Variants in JPH1 observed in about 807,000 individuals in gnomAD.
JPH1 encodes junctophilin-1.
Under a neutral mutation model 53.6 loss-of-function variants are expected in JPH1, and 12 were observed. The observed-to-expected ratio is 0.22, with a 90% CI of 0.14 to 0.36. The LOEUF (loss-of-function observed/expected upper bound fraction) is 0.36. Ranked by LOEUF, JPH1 falls within the 10% of genes least tolerant of loss-of-function variation. JPH1 has a pLI of 1.00. For missense variants in JPH1, 808 were observed against 905.5 expected, an observed-to-expected ratio of 0.89 and a Z score of 1.38; for synonymous variants, 375 against 363.8, an observed-to-expected ratio of 1.03 and a Z score of -0.35.
chr8:74,238,210 C>G (rs1435626076), intron 4 of JPH1, among the ~76,000 whole-genome samples: 8 of 152,294 alleles, frequency 5.3e-5, no homozygotes, highest in Middle Eastern at 3.4e-3. Context: ...GAAGAGGAAA[C>G]AGTGGTACTC....
intron 3 of JPH1, among the ~76,000 whole-genome samples, chr8:74,245,833 T>C (rs965933319): frequency 5.4e-5 from 8 of 147,640 alleles, no homozygotes; most frequent in Non-Finnish European, 1.0e-4. Flanking sequence ...GGATTGTTTA[T>C]AAAAATCTTG....
At chr8:74,282,006 C>T (rs1330375793) in intron 2 of JPH1, among the ~76,000 whole-genome samples, 1 of 152,194 alleles carries the variant, frequency 6.6e-6, no homozygotes, top group East Asian at 1.9e-4. Flanking sequence ...CCAAATGTTC[C>T]ATAGTTCCCT....
At chr8:74,298,682 A>G (rs1807588452) in intron 2 of JPH1, among the ~76,000 whole-genome samples, 1 of 152,220 alleles carries the variant, frequency 6.6e-6, no homozygotes, top group African/African-American at 2.4e-5. Context: ...ACTTTTCAAA[A>G]GAGGATGAAG....
chr8:74,296,917 C>T (rs1807537631), intron 2 of JPH1, among the ~76,000 whole-genome samples: 1 of 152,098 alleles, frequency 6.6e-6, no homozygotes, highest in South Asian at 2.1e-4. Context: ...TCGAAGTCCA[C>T]GTATAGACAG....
intron 2 of JPH1, among the ~76,000 whole-genome samples, chr8:74,298,852 G>A (rs1807592847): frequency 6.6e-6 from 1 of 152,202 alleles, no homozygotes; most frequent in East Asian, 1.9e-4. Context: ...GTGGTAGAAT[G>A]AAGGCACGAG....
At chr8:74,260,892 G>A (rs568921006) in intron 2 of JPH1, among the ~76,000 whole-genome samples, 8 of 152,304 alleles carry the variant, frequency 5.3e-5, no homozygotes, top group Non-Finnish European at 1.0e-4. Context: ...GTGAAGATTG[G>A]AATTTTTAAT....
intron 2 of JPH1, among the ~76,000 whole-genome samples, chr8:74,275,001 G>C (rs940469070): frequency 1.3e-5 from 2 of 152,066 alleles, no homozygotes. Context: ...GCCTGCCTGG[G>C]CTATGAGAAT....
At chr8:74,255,332 G>T (rs903396023) in intron 3 of JPH1, among the ~76,000 whole-genome samples, 9 of 152,020 alleles carry the variant, frequency 5.9e-5, no homozygotes, top group Non-Finnish European at 8.8e-5. Context: ...TGGGAAAACT[G>T]GCTAGCCATA....
At chr8:74,256,185 A>T (rs1448840318) in intron 3 of JPH1, among the ~76,000 whole-genome samples, 2 of 152,218 alleles carry the variant, frequency 1.3e-5, no homozygotes, top group South Asian at 4.1e-4. Flanking sequence ...AATGTGGCAC[A>T]TATACACCGT....
Position 74,244,748 on chromosome 8 carries a change from G to A in JPH1, c.1686C>T (p.His562=), listed in dbSNP as rs1194505988. The A allele has an allele frequency of 5.0e-6, 8 of 1,614,182 alleles. 1 individual carries two copies. In the South Asian group the frequency reaches 8.8e-5, roughly 18 times the overall value. ...GYYVKLNAPQ[H]PPVDVEDGDG... Reference sequence around the variant, plus strand: ...CGCCGTCCTCCACGTCTACTGGAGGGTGCTGGGGGGCGTTCAGCTTCACGT... The same window carrying A: ...CGCCGTCCTCCACGTCTACTGGAGGATGCTGGGGGGCGTTCAGCTTCACGT... Residue 562 remains histidine, a synonymous_variant, in exon 4 of 6, where the codon CAC becomes CAT. Coordinates refer to ENST00000342232, the MANE Select transcript of JPH1 (RefSeq NM_020647.4).
chr8:74,259,983 G>A (rs775278579), intron 2 of JPH1, among the ~76,000 whole-genome samples: 17 of 152,202 alleles, frequency 1.1e-4, no homozygotes, highest in Non-Finnish European at 2.1e-4. Flanking sequence ...TAGTGAAATG[G>A]GGATTGGTAG....
At position 74,234,773 on chromosome 8, in the gene JPH1, A is replaced by C. The variant is rs932886498; in HGVS notation, c.*2278T>G. 6.6e-6 allele frequency: 1 copy of C among 152,640 alleles called. No homozygotes were observed. Among genetic ancestry groups the C allele is most frequent in the Non-Finnish European group, 1.5e-5 (1 of 68,038 alleles). 9.5% of individuals were successfully genotyped at this position (152,640 alleles called of 1,614,324 possible). ...ACTGTACATTATACATTTTGGTTTC[A>C]AGAATTATAAATAAAGGAACTCACA... is the stretch of plus-strand genomic sequence containing the variant. On this transcript the variant is annotated 3_prime_UTR_variant, in exon 6 of 6. Transcript: ENST00000342232.
intron 2 of JPH1, among the ~76,000 whole-genome samples, chr8:74,270,464 T>C (rs967484637): frequency 1.3e-5 from 2 of 152,192 alleles, no homozygotes; most frequent in East Asian, 1.9e-4. Context: ...GATAAAATGA[T>C]AGCTTATCTG....
intron 2 of JPH1, among the ~76,000 whole-genome samples, chr8:74,288,358 T>C (rs184036701): frequency 6.6e-6 from 1 of 152,316 alleles, no homozygotes; most frequent in African/African-American, 2.4e-5. Flanking sequence ...GGGCTGCCTC[T>C]GAAAACCCAT....
chr8:74,258,893 A>T (rs987606855), intron 3 of JPH1, among the ~76,000 whole-genome samples: 2 of 152,186 alleles, frequency 1.3e-5, no homozygotes, highest in African/African-American at 4.8e-5. Flanking sequence ...CTCGGGTGAT[A>T]TTTGTTACTA....
chr8:74,256,380 C>T (rs1165194206), intron 3 of JPH1, among the ~76,000 whole-genome samples: 9 of 136,672 alleles, frequency 6.6e-5, no homozygotes, highest in East Asian at 2.3e-4. Context: ...CATCACACAC[C>T]GGGGCCTATC....
chr8:74,299,395 T>C (rs73689717), intron 2 of JPH1, among the ~76,000 whole-genome samples: 2 of 152,292 alleles, frequency 1.3e-5, no homozygotes, highest in Admixed American at 1.3e-4. Context: ...ATAACCTAAA[T>C]GGAGTTGTAT....
At position 74,315,045 on chromosome 8, in the gene JPH1, T is replaced by C; in HGVS notation, c.955A>G (p.Thr319Ala). Residue 319 changes from threonine to alanine, a missense_variant, in exon 2 of 6, where the codon ACC becomes GCC. Around this residue, in one of 2 missense-constraint regions of JPH1, gnomAD observed 756 missense variants for 811.9 expected, o/e 0.93. Transcript: ENST00000342232. This position sits in a 1 kb window ranked among gnomAD's most constrained non-coding sequence, Gnocchi z 6.3. ...TCTTTGGAGCCGTCAGGAAACACGGTACAGCCATATCCATGCCTCTTGTTA... is the reference window on the plus strand; with the variant it reads ...TCTTTGGAGCCGTCAGGAAACACGGCACAGCCATATCCATGCCTCTTGTTA... ...ANNKRHGYGCTVFPDGSKEEG... is the reference protein window; with the variant it reads ...ANNKRHGYGCAVFPDGSKEEG... 2 of 1,614,218 alleles carry C rather than the reference T, an allele frequency of 1.2e-6. No individual in the cohort carries two copies. Among genetic ancestry groups the C allele is most frequent in the Non-Finnish European group, 1.7e-6 (2 of 1,180,034 alleles).
In JPH1 at chr8:74,234,741, T is replaced by C. The variant is rs1806949781; in HGVS notation, c.*2310A>G. 1 of 152,628 alleles carries C rather than the reference T, an allele frequency of 6.6e-6. No individual in the cohort carries two copies. The highest frequency in any genetic ancestry group is 2.1e-4 in the South Asian group (1 of 4,828). 9.5% of individuals were successfully genotyped at this position (152,628 alleles called of 1,614,324 possible). On this transcript the variant is annotated 3_prime_UTR_variant, in exon 6 of 6. Coordinates refer to ENST00000342232, the MANE Select transcript of JPH1 (RefSeq NM_020647.4). Reference sequence around the variant, plus strand: ...TTTTTTTTATTAGAGCAGATACAGTTGTGAAAACTGTACATTATACATTTT... The same window carrying C: ...TTTTTTTTATTAGAGCAGATACAGTCGTGAAAACTGTACATTATACATTTT...
Sources: gnomAD v4.1 joint callset for allele counts (sites outside exome capture counted in the v4.1 genomes callset) on GRCh38, gnomAD v4.1.1 for gene constraint, gnomAD v4.1.1 regional missense constraint, Gnocchi (gnomAD v3.1) non-coding constraint, MANE v1.5 for transcripts, NCBI Gene and HGNC (gene_info 2026-07-23, HGNC 2026-07-21) for gene names.